The following ZNF646 variants were observed in gnomAD, a reference collection of about 807,000 sequenced individuals.
The protein encoded by ZNF646 is zinc finger protein 646.
A neutral mutation model predicts 115.4 loss-of-function variants in ZNF646; 49 were observed. The observed-to-expected ratio is 0.42, with a 90% CI of 0.34 to 0.54. ZNF646 has a LOEUF of 0.54. Among genes scored for constraint, ZNF646 ranks in the 20% least tolerant of loss-of-function variants. The probability of loss-of-function intolerance (pLI) is 0.04; values close to 1 mark genes in which losing one functional copy is unlikely to be tolerated. For synonymous variants in ZNF646, 933 were observed against 939.0 expected (o/e 0.99, Z 0.12); for missense variants, 2,269 against 2,457.9 (o/e 0.92, Z 1.62).
chr16:31,073,869 A>C (rs1250656867), upstream of ZNF646: 1 of 152,186 alleles, frequency 6.6e-6, no homozygotes, highest in Non-Finnish European at 1.5e-5. Flanking sequence ...GCAGAGAAGC[A>C]TCTTGCAAGA....
At position 31,080,706 on chromosome 16, in the gene ZNF646, A is replaced by G. The variant is rs557435484; in HGVS notation, c.4382A>G (p.Lys1461Arg). The G allele has an allele frequency of 3.1e-6, 5 of 1,613,890 alleles. No individual in the cohort carries two copies. The East Asian group carries it at 1.1e-4, about 36-fold the overall frequency. ...GAGCCACTGTCCTGGGGTGCAGGGA[A>G]GGCAGGTGGGTGGCCGGTAGGTGGG... The part of the protein sequence containing the change: ...APEPLSWGAG[K>R]AGGWPVGGGL... The change falls in exon 2 of 3, where the codon AAG becomes AGG. Residue 1461 changes from lysine (K) to arginine (R), a missense_variant. Lys to Arg is a conservative substitution (Grantham distance 26). This residue lies in a region of ZNF646 where 1,062 missense variants were observed against 1,172.8 expected (regional missense o/e 0.91). Transcript: ENST00000300850.
rs141864976 is a variant in ZNF646 at position 31,081,321 on chromosome 16, C to T, written c.4997C>T (p.Thr1666Met). 268 of 1,613,742 alleles carry T rather than the reference C, an allele frequency of 1.7e-4. No homozygotes were observed. The highest frequency in any genetic ancestry group is 4.0e-4 in the East Asian group (18 of 44,882). The change falls in exon 2 of 3, where the codon ACG becomes ATG. Residue 1666 changes from threonine (T) to methionine (M), a missense_variant. By Grantham distance (81) the Thr-to-Met change is moderately conservative. Around this residue, in one of 5 missense-constraint regions of ZNF646, gnomAD observed 1,062 missense variants for 1,172.8 expected, o/e 0.91. Coordinates refer to ENST00000300850, the MANE Select transcript of ZNF646 (RefSeq NM_014699.4). ...AGAGCCAGGGGAGGACAAGCGGTGACGTCCATGGCGGCTGAGGACAAGGAG... is the reference window on the plus strand; with the variant it reads ...AGAGCCAGGGGAGGACAAGCGGTGATGTCCATGGCGGCTGAGGACAAGGAG... Reference protein sequence around the residue: ...VERARGGQAVTSMAAEDKERP... With the variant: ...VERARGGQAVMSMAAEDKERP...
rs1351246167 is a variant in ZNF646 at position 31,080,549 on chromosome 16, A to G, written c.4225A>G (p.Asn1409Asp). ...GLDGTAASEA[N>D]LTGSQGLETQ... The stretch of plus-strand genomic sequence containing the variant: ...GGATGGCACAGCGGCCAGTGAGGCG[A>G]ACCTGACTGGCAGCCAGGGACTAGA... The change falls in exon 2 of 3, where the codon AAC becomes GAC. Residue 1409 changes from asparagine (N) to aspartate (D), a missense_variant. Asn to Asp is a conservative substitution (Grantham distance 23). Transcript: ENST00000300850. 1.2e-6 allele frequency: 2 copies of G among 1,613,978 alleles called. No individual in the cohort carries two copies. The highest frequency in any genetic ancestry group is 2.7e-5 in the African/African-American group (2 of 74,940).
intron 1 of ZNF646, chr16:31,076,030 G>C (rs926790586): frequency 2.7e-6 from 1 of 371,258 alleles, no homozygotes; most frequent in Non-Finnish European, 4.8e-6. Context: ...TACCTGTAGG[G>C]ATGACTTAAG....
chr16:31,081,354 T>C lies in ZNF646; in HGVS notation c.5030T>C (p.Phe1677Ser). Reference protein sequence around the residue: ...SMAAEDKERPFRCTQCGRSYR... With the variant: ...SMAAEDKERPSRCTQCGRSYR... ...GCGGCTGAGGACAAGGAGCGGCCCT[T>C]CCGCTGCACCCAGTGCGGGCGCTCC... is the stretch of plus-strand genomic sequence containing the variant. The change falls in exon 2 of 3, where the codon TTC (phenylalanine) becomes TCC (serine). Residue 1677 changes from phenylalanine (F) to serine (S), a missense_variant. Physicochemically the swap from Phe to Ser is radical, Grantham distance 155. Transcript: ENST00000300850. 1.2e-6 allele frequency: 2 copies of C among 1,613,842 alleles called. No individual in the cohort carries two copies. Among genetic ancestry groups the C allele is most frequent in the Non-Finnish European group, 1.7e-6 (2 of 1,179,832 alleles).
In ZNF646 at chr16:31,080,901, A is replaced by G. The variant is rs775166063; in HGVS notation, c.4577A>G (p.Gln1526Arg). The change falls in exon 2 of 3, where the codon CAG (glutamine) becomes CGG (arginine). Residue 1526 changes from glutamine to arginine, a missense_variant. Coordinates refer to ENST00000300850, the MANE Select transcript of ZNF646 (RefSeq NM_014699.4). ...WDNRDNSSQL[Q>R]PGSHSSCSQC... ...AACAGAGACAACAGCTCTCAGCTGC[A>G]GCCAGGGAGCCACTCCTCTTGCAGC... 1 of 1,614,106 alleles carries G rather than the reference A, an allele frequency of 6.2e-7. No individual in the cohort carries two copies. The highest frequency in any genetic ancestry group is 8.5e-7 in the Non-Finnish European group (1 of 1,180,028).
At chr16:31,073,289 G>A (rs1373146721), upstream of ZNF646, 2 of 152,416 alleles carry the variant, frequency 1.3e-5, no homozygotes, top group African/African-American at 4.8e-5. Flanking sequence ...CCGCGGGAGT[G>A]GTGGCCGGGC....
Position 31,076,152 on chromosome 16 carries a change from A to G in ZNF646, c.-79-94A>G, listed in dbSNP as rs371225127. 9.3e-4 allele frequency: 727 copies of G among 783,880 alleles called. 12 individuals are homozygous for G. The South Asian group carries it at 0.015, about 17-fold the overall frequency. The allele number at this position is 783,880 out of a possible 1,614,324, so 48.6% of individuals were successfully genotyped here. On this transcript the variant is annotated intron_variant, in intron 1 of 2. Coordinates refer to ENST00000300850, the MANE Select transcript of ZNF646 (RefSeq NM_014699.4). Reference sequence around the variant, plus strand: ...GTCCTTGGGCATGGATGCTTGGGGAACCTCTCAGTGACCTCAGGTGAACTT... The same window carrying G: ...GTCCTTGGGCATGGATGCTTGGGGAGCCTCTCAGTGACCTCAGGTGAACTT...
In ZNF646 at chr16:31,081,444, C is replaced by T. The variant is rs1457979861; in HGVS notation, c.5120C>T (p.Ser1707Phe). 1.1e-5 allele frequency: 18 copies of T among 1,614,080 alleles called. No homozygotes were observed. The African/African-American group carries it at 1.7e-4, about 16-fold the overall frequency. Residue 1707 changes from serine (S) to phenylalanine (F), a missense_variant, in exon 2 of 3, where the codon TCC becomes TTC. Physicochemically the swap from Ser to Phe is radical, Grantham distance 155 (BLOSUM62 -2). Coordinates refer to ENST00000300850, the MANE Select transcript of ZNF646 (RefSeq NM_014699.4). ...CACACCACAGGGTTGTACCCGTGCT[C>T]CCTCTGTCCCAAACTTCTCCCTAAC... Reference protein sequence around the residue: ...KAHTTGLYPCSLCPKLLPNLL... With the variant: ...KAHTTGLYPCFLCPKLLPNLL...
chr16:31,080,059 C>G lies in ZNF646; in HGVS notation c.3735C>G (p.Leu1245=). 6.2e-7 allele frequency: 1 copy of G among 1,611,906 alleles called. No individual in the cohort carries two copies. Among genetic ancestry groups the G allele is most frequent in the Non-Finnish European group, 8.5e-7 (1 of 1,178,870 alleles). Residue 1245 remains leucine, a synonymous_variant, in exon 2 of 3, where the codon CTC becomes CTG. Transcript: ENST00000300850. The part of the protein sequence containing the change: ...CSKGFSNLMS[L]KNHRRIHADP... The stretch of plus-strand genomic sequence containing the variant: ...AGGGCTTCTCAAACCTCATGTCCCT[C>G]AAGAACCACCGGCGCATCCATGCAG...
At position 31,076,524 on chromosome 16, in the gene ZNF646, G is replaced by T. The variant is rs755048148; in HGVS notation, c.200G>T (p.Arg67Leu). ...YRHPGSLVNH[R>L]RTHETGLFPC... ...CACCCCGGGAGCCTGGTTAACCATC[G>T]TCGGACCCACGAGACTGGCCTTTTC... is the stretch of plus-strand genomic sequence containing the variant. Residue 67 changes from arginine (R) to leucine (L), a missense_variant, in exon 2 of 3, where the codon CGT becomes CTT. Arg to Leu is a moderately radical substitution (Grantham distance 102). Around this residue, in one of 5 missense-constraint regions of ZNF646, gnomAD observed 334 missense variants for 323.5 expected, o/e 1.03. Transcript: ENST00000300850. 6.2e-6 allele frequency: 10 copies of T among 1,613,352 alleles called. No homozygotes were observed. Among genetic ancestry groups the T allele is most frequent in the African/African-American group, 4.0e-5 (3 of 74,898 alleles).
At position 31,077,423 on chromosome 16, in the gene ZNF646, G is replaced by A; in HGVS notation, c.1099G>A (p.Gly367Ser). The A allele has an allele frequency of 1.9e-6, 3 of 1,613,076 alleles. No homozygotes were observed. The highest frequency in any genetic ancestry group is 2.2e-5 in the South Asian group (2 of 91,070). Residue 367 changes from glycine (G) to serine (S), a missense_variant, in exon 2 of 3, where the codon GGC becomes AGC. Physicochemically the swap from Gly to Ser is moderately conservative, Grantham distance 56 (BLOSUM62 0). Transcript: ENST00000300850. The stretch of plus-strand genomic sequence containing the variant: ...CACCTCTGGGGAGCTGGAGGACAGT[G>A]GCCTGGAGGAATACCGGCCTTTCCG... ...LSTSGELEDSGLEEYRPFRCG... is the reference protein window; with the variant it reads ...LSTSGELEDSSLEEYRPFRCG...
rs760178081 is a variant in ZNF646 at position 31,076,631 on chromosome 16, C to T, written c.307C>T (p.Arg103Cys). Reference sequence around the variant, plus strand: ...GAGGACACATGCTCCTGAGGGCCGCCGCAGGCACAGGCCCCCACGCCCCAA... The same window carrying T: ...GAGGACACATGCTCCTGAGGGCCGCTGCAGGCACAGGCCCCCACGCCCCAA... Reference protein sequence around the residue: ...HMRTHAPEGRRRHRPPRPKEA... With the variant: ...HMRTHAPEGRCRHRPPRPKEA... Residue 103 changes from arginine (R) to cysteine (C), a missense_variant, in exon 2 of 3, where the codon CGC becomes TGC. Arg to Cys is a radical substitution (Grantham distance 180, BLOSUM62 -3). Around this residue, in one of 5 missense-constraint regions of ZNF646, gnomAD observed 334 missense variants for 323.5 expected, o/e 1.03. Transcript: ENST00000300850. The T allele has an allele frequency of 1.1e-4, 181 of 1,612,804 alleles. No homozygotes were observed. Among genetic ancestry groups the T allele is most frequent in the Non-Finnish European group, 1.3e-4 (151 of 1,179,780 alleles).
In ZNF646 at chr16:31,083,804, G is replaced by C; in HGVS notation, c.*712G>C. Reference sequence around the variant, plus strand: ...CAGGTCCCCTGTCAGCAGCTGGTTGGTTGGCCTGTGGGGAAGGAAGGAGGG... The same window carrying C: ...CAGGTCCCCTGTCAGCAGCTGGTTGCTTGGCCTGTGGGGAAGGAAGGAGGG... On this transcript the variant is annotated 3_prime_UTR_variant, in exon 3 of 3. Coordinates refer to ENST00000300850, the MANE Select transcript of ZNF646 (RefSeq NM_014699.4). 1 of 1,614,072 alleles carries C rather than the reference G, an allele frequency of 6.2e-7. No homozygotes were observed. Among genetic ancestry groups the C allele is most frequent in the Non-Finnish European group, 8.5e-7 (1 of 1,179,926 alleles).
At position 31,081,226 on chromosome 16, in the gene ZNF646, T is replaced by G; in HGVS notation, c.4902T>G (p.Val1634=). The part of the protein sequence containing the change: ...PKAGTGEDQV[V]LPGQGKAQEA... ...CCGGGACTGGGGAGGACCAGGTGGTTCTCCCTGGTCAAGGGAAAGCCCAGG... is the reference window on the plus strand; with the variant it reads ...CCGGGACTGGGGAGGACCAGGTGGTGCTCCCTGGTCAAGGGAAAGCCCAGG... Residue 1634 remains valine, a synonymous_variant, in exon 2 of 3, where the codon GTT becomes GTG. Transcript: ENST00000300850. 6.3e-7 allele frequency: 1 copy of G among 1,589,846 alleles called. No homozygotes were observed. The highest frequency in any genetic ancestry group is 8.6e-7 in the Non-Finnish European group (1 of 1,166,508).
intron 1 of ZNF646, 101 bp from the exon 2 acceptor site, chr16:31,076,145 T>C (rs968974670): frequency 2.7e-6 from 2 of 750,032 alleles, no homozygotes; most frequent in African/African-American, 3.5e-5. Flanking sequence ...GCATGGATGC[T>C]TGGGGAACCT....
intron 1 of ZNF646, 72 bp downstream of exon 1, chr16:31,074,703 G>A (rs989847560): frequency 4.6e-5 from 7 of 152,250 alleles, no homozygotes; most frequent in Non-Finnish European, 1.0e-4. Flanking sequence ...GGGAAGGAGA[G>A]GGGGCCGCCG....
At position 31,083,133 on chromosome 16, in the gene ZNF646, C is replaced by T. The variant is rs746048387; in HGVS notation, c.*41C>T. ...AGATCAGAATCTGGGGGAGGGAGCG[C>T]GTGCAGGGAGGGGCTTGATCTCCAC... On this transcript the variant is annotated 3_prime_UTR_variant, in exon 3 of 3. Coordinates refer to ENST00000300850, the MANE Select transcript of ZNF646 (RefSeq NM_014699.4). 17 of 1,585,568 alleles carry T rather than the reference C, an allele frequency of 1.1e-5. No individual in the cohort carries two copies. Among genetic ancestry groups the T allele is most frequent in the East Asian group, 7.0e-5 (3 of 42,978 alleles).
rs1370359683 is a variant in ZNF646, at chr16:31,077,201, C to T, written c.877C>T (p.Pro293Ser). The change falls in exon 2 of 3, where the codon CCT becomes TCT. Residue 293 changes from proline to serine, a missense_variant. By Grantham distance (74) the Pro-to-Ser change is moderately conservative (BLOSUM62 -1). Coordinates refer to ENST00000300850, the MANE Select transcript of ZNF646 (RefSeq NM_014699.4). ...NHSRLHAQYR[P>S]YHCPHCPRVF... Reference sequence around the variant, plus strand: ...CTCTCGACTGCATGCCCAGTATCGGCCTTACCACTGTCCCCACTGCCCCCG... The same window carrying T: ...CTCTCGACTGCATGCCCAGTATCGGTCTTACCACTGTCCCCACTGCCCCCG... 3.7e-6 allele frequency: 6 copies of T among 1,614,184 alleles called. No individual in the cohort carries two copies. The South Asian group carries it at 5.5e-5, about 15-fold the overall frequency.
Sources: gnomAD v4.1 joint callset for allele counts on GRCh38, gnomAD v4.1.1 for gene constraint, gnomAD v4.1.1 regional missense constraint, MANE v1.5 for transcripts, NCBI Gene and HGNC (gene_info 2026-07-23, HGNC 2026-07-21) for gene names.